The following SH3PXD2A variants were observed in gnomAD, a reference collection of about 807,000 sequenced individuals.
The protein encoded by SH3PXD2A is SH3 and PX domain-containing protein 2A.
In SH3PXD2A, 32 loss-of-function variants were observed where a neutral mutation model predicts 115.2. That is an observed-to-expected ratio of 0.28 (90% confidence interval 0.21 to 0.37). SH3PXD2A has a LOEUF of 0.37. Among genes scored for constraint, SH3PXD2A ranks in the 10% least tolerant of loss-of-function variants. The pLI is 1.00. For synonymous variants in SH3PXD2A, 610 were observed against 629.1 expected (o/e 0.97, Z 0.45); for missense variants, 1,328 against 1,498.7 (o/e 0.89, Z 1.88).
chr10:103,797,720 G>T (rs904050927), intron 2 of SH3PXD2A, among the ~76,000 whole-genome samples: 1 of 151,596 alleles, frequency 6.6e-6, no homozygotes, highest in Non-Finnish European at 1.5e-5. Context: ...ATCTGGGAGG[G>T]GGTGGGGAGT....
chr10:103,627,099 C>A lies in SH3PXD2A; in HGVS notation c.708G>T (p.Lys236Asn). ...CCTGCAAGCCCTCACCTTCTCCAGT[C>A]TTAGAGGTGTTGATGTCGGAGTCAT... The part of the protein sequence containing the change: ...TRDDSDINTS[K>N]TGEVSKRRKA... Residue 236 changes from lysine (K) to asparagine (N), a missense_variant, in exon 9 of 15, where the codon AAG (lysine) becomes AAT (asparagine). Lys to Asn is a moderately conservative substitution (Grantham distance 94). Transcript: ENST00000369774. The surrounding 1 kb of genome is among the most constrained non-coding windows in gnomAD (Gnocchi z 4.4). The A allele has an allele frequency of 6.2e-7, 1 of 1,603,326 alleles. No homozygotes were observed. The highest frequency in any genetic ancestry group is 8.5e-7 in the Non-Finnish European group (1 of 1,170,102).
intron 4 of SH3PXD2A, among the ~76,000 whole-genome samples, chr10:103,734,469 C>T (rs1235309620): frequency 2.0e-5 from 3 of 152,202 alleles, no homozygotes; most frequent in Non-Finnish European, 4.4e-5. Flanking sequence ...AAAAATATGG[C>T]TGGGTGCGGT....
At chr10:103,804,314 CTTTTTTTTTTTTTTT>C (rs58737094) in intron 1 of SH3PXD2A, among the ~76,000 whole-genome samples, 1 of 59,672 alleles carries the variant, frequency 1.7e-5, no homozygotes, top group Non-Finnish European at 2.9e-5. Context: ...TTGACATCAT[CTTTTTTTTTTTTTTT>C]TTTTTTTTTT....
rs182537304 is a variant in SH3PXD2A, at chr10:103,761,412, A to T, written c.229+5682T>A. Among the ~76,000 whole-genome samples, 411 of 152,252 alleles carry T rather than the reference A, an allele frequency of 2.7e-3. 1 individual carries two copies. Among genetic ancestry groups the T allele is most frequent in the Middle Eastern group, 0.014 (4 of 294 alleles). On this transcript the variant is annotated intron_variant, in intron 3 of 14. Transcript: ENST00000369774. ...CTAATTATTTCAAAATAAAAAGTTT[A>T]AAAAAATGCTGTTAGGAAACCAAAT...
chr10:103,676,613 A>T (rs1256054049), intron 6 of SH3PXD2A, among the ~76,000 whole-genome samples: 1 of 152,088 alleles, frequency 6.6e-6, no homozygotes, highest in Admixed American at 6.5e-5. Context: ...TCCTGGTTAA[A>T]GATAGGTGCT....
At chr10:103,631,341 A>G (rs2036777216) in intron 8 of SH3PXD2A, among the ~76,000 whole-genome samples, 1 of 152,242 alleles carries the variant, frequency 6.6e-6, no homozygotes, top group South Asian at 2.1e-4. Context: ...AATAATTAAT[A>G]AAATAGAACA....
chr10:103,805,711 T>C (rs1384894986), intron 1 of SH3PXD2A, among the ~76,000 whole-genome samples: 1 of 152,214 alleles, frequency 6.6e-6, no homozygotes, highest in Non-Finnish European at 1.5e-5. Context: ...GACAACACAG[T>C]GAGGCTCTGT....
chr10:103,779,388 C>T (rs1270948695), intron 2 of SH3PXD2A, among the ~76,000 whole-genome samples: 2 of 152,186 alleles, frequency 1.3e-5, no homozygotes, highest in African/African-American at 2.4e-5. Context: ...CCTCCTGATA[C>T]CCCCGTGTGC....
At chr10:103,845,963 A>T (rs1361614140) in intron 1 of SH3PXD2A, among the ~76,000 whole-genome samples, 1 of 152,244 alleles carries the variant, frequency 6.6e-6, no homozygotes, top group East Asian at 1.9e-4. Context: ...ATGGGGCATT[A>T]CTTCCATTCC....
At chr10:103,774,675 G>C (rs2134234112) in intron 2 of SH3PXD2A, among the ~76,000 whole-genome samples, 1 of 152,236 alleles carries the variant, frequency 6.6e-6, no homozygotes, top group South Asian at 2.1e-4. Flanking sequence ...TGTTCTAGTA[G>C]CCAATTCAAG....
At chr10:103,655,771 T>TAA (rs60526548) in intron 8 of SH3PXD2A, among the ~76,000 whole-genome samples, 16 of 46,202 alleles carry the variant, frequency 3.5e-4, no homozygotes, top group South Asian at 9.3e-4. Flanking sequence ...AGACCCTGTC[T>TAA]AAAAAAAAAA....
At chr10:103,800,245 G>T (rs996305339) in intron 2 of SH3PXD2A, among the ~76,000 whole-genome samples, 2 of 152,118 alleles carry the variant, frequency 1.3e-5, no homozygotes, top group African/African-American at 4.8e-5. Flanking sequence ...CGCAGAGGTG[G>T]GCTCCCTAGT....
At chr10:103,701,583 C>CT in intron 5 of SH3PXD2A, among the ~76,000 whole-genome samples, 1 of 148,442 alleles carries the variant, frequency 6.7e-6, no homozygotes, top group South Asian at 2.2e-4. Context: ...ATCCATCCAT[C>CT]ATCCATCCAT....
chr10:103,709,394 G>C (rs1269379837), intron 5 of SH3PXD2A, among the ~76,000 whole-genome samples: 1 of 152,164 alleles, frequency 6.6e-6, no homozygotes, highest in African/African-American at 2.4e-5. Context: ...GATGTCTGGG[G>C]AACTGAGCTC....
intron 1 of SH3PXD2A, among the ~76,000 whole-genome samples, chr10:103,833,511 A>G (rs993019255): frequency 1.3e-5 from 2 of 152,128 alleles, no homozygotes; most frequent in South Asian, 4.1e-4. Context: ...ATGGATGTTT[A>G]GAGCAGCATT....
chr10:103,603,347 C>T lies in SH3PXD2A; in HGVS notation c.1871G>A (p.Gly624Asp). The T allele has an allele frequency of 1.2e-6, 2 of 1,614,192 alleles. No homozygotes were observed. Among genetic ancestry groups the T allele is most frequent in the Non-Finnish European group, 1.7e-6 (2 of 1,180,030 alleles). The change falls in exon 15 of 15, where the codon GGC becomes GAC. Residue 624 changes from glycine (G) to aspartate (D), a missense_variant. Physicochemically the swap from Gly to Asp is moderately conservative, Grantham distance 94 (BLOSUM62 -1). Around this residue, in one of 5 missense-constraint regions of SH3PXD2A, gnomAD observed 509 missense variants for 628.3 expected, o/e 0.81. Transcript: ENST00000369774. The stretch of plus-strand genomic sequence containing the variant: ...GGTGTCCTCTGCATATGGCCGGAAG[C>T]CCTCATTCTCATAGATGGTCTCCTC... ...LEEETIYENE[G>D]FRPYAEDTLS...
chr10:103,723,021 G>A (rs1042041263), intron 5 of SH3PXD2A, among the ~76,000 whole-genome samples: 1 of 152,212 alleles, frequency 6.6e-6, no homozygotes, highest in Non-Finnish European at 1.5e-5. Context: ...GGACTGCCAT[G>A]TATGGGTGTG....
intron 6 of SH3PXD2A, among the ~76,000 whole-genome samples, chr10:103,682,454 T>G (rs1164916514): frequency 6.6e-6 from 1 of 152,180 alleles, no homozygotes; most frequent in African/African-American, 2.4e-5. Context: ...AAATAAAAAC[T>G]GTTTAAAAAC....
chr10:103,692,940 C>A (rs928033442), intron 6 of SH3PXD2A, 88 bp downstream of exon 6: 6 of 1,042,370 alleles, frequency 5.8e-6, no homozygotes, highest in African/African-American at 1.6e-5. Context: ...CCCCTCCCCG[C>A]CCCCAAGAAG....
Sources: allele counts gnomAD v4.1 joint callset (sites outside exome capture counted in the v4.1 genomes callset), GRCh38; gene constraint gnomAD v4.1.1; regional missense constraint gnomAD v4.1.1; non-coding constraint Gnocchi (gnomAD v3.1); transcripts MANE v1.5; gene names NCBI Gene and HGNC (gene_info 2026-07-23, HGNC 2026-07-21).